The following TNC variants were observed in gnomAD, a reference collection of about 807,000 sequenced individuals.
The protein encoded by TNC is tenascin.
TNC carries 109 observed loss-of-function variants against 202.4 expected under a neutral mutation model. That is an observed-to-expected ratio of 0.54 (90% CI 0.46 to 0.63). The LOEUF is 0.63. TNC is among the 30% of genes least tolerant of loss of function. The probability of loss-of-function intolerance (pLI) is 0.00; values close to 1 mark genes in which losing one functional copy is unlikely to be tolerated. For missense variants in TNC, 2,756 were observed against 2,833.3 expected, an observed-to-expected ratio of 0.97 and a Z score of 0.62; for synonymous variants, 1,007 against 1,089.7, an observed-to-expected ratio of 0.92 and a Z score of 1.50.
intron 13 of TNC, among the ~76,000 whole-genome samples, chr9:115,061,037 T>C (rs889207903): frequency 6.6e-6 from 1 of 152,182 alleles, no homozygotes; most frequent in African/African-American, 2.4e-5. Context: ...GGATTTAGGA[T>C]ATGGAAAAAC....
At position 115,084,417 on chromosome 9, in the gene TNC, C is replaced by G. The variant is rs1467472463; in HGVS notation, c.1923G>C (p.Leu641=). 9 of 1,614,042 alleles carry G rather than the reference C, an allele frequency of 5.6e-6. No individual in the cohort carries two copies. The highest frequency in any genetic ancestry group is 7.6e-6 in the Non-Finnish European group (9 of 1,180,040). The change falls in exon 4 of 28, where the codon CTG becomes CTC. Residue 641 remains leucine (L), a synonymous_variant. Transcript: ENST00000350763. ...TGACCCGCATCTCATTGTCCCAGGC[C>G]AGGTTGACCGTCTCTTCCGTCACTT... ...VTEVTEETVN[L]AWDNEMRVTE... is the part of the protein sequence containing the mutation.
intron 1 of TNC, among the ~76,000 whole-genome samples, chr9:115,093,813 C>T (rs1835410854): frequency 6.6e-6 from 1 of 152,150 alleles, no homozygotes; most frequent in Non-Finnish European, 1.5e-5. Context: ...GAGGATTTCT[C>T]ACTGTGTGTT....
intron 1 of TNC, among the ~76,000 whole-genome samples, chr9:115,092,935 C>T (rs1452367514): frequency 6.6e-6 from 1 of 152,058 alleles, no homozygotes; most frequent in Non-Finnish European, 1.5e-5. Flanking sequence ...TCCCTATGCC[C>T]ATGATATTCT....
In TNC at chr9:115,087,135, C is replaced by T. The variant is rs967354812; in HGVS notation, c.596G>A (p.Arg199Gln). 1.1e-5 allele frequency: 17 copies of T among 1,614,126 alleles called. No homozygotes were observed. Among genetic ancestry groups the T allele is most frequent in the East Asian group, 4.5e-5 (2 of 44,896 alleles). ...ECPGNCHLRGRCIDGQCICDD... is the reference protein window; with the variant it reads ...ECPGNCHLRGQCIDGQCICDD... ...ACAGATGCACTGCCCATCAATGCAC[C>T]GGCCTCGAAGGTGACAGTTGCCTGG... The change falls in exon 3 of 28, where the codon CGG becomes CAG. Residue 199 changes from arginine to glutamine, a missense_variant. By Grantham distance (43) the Arg-to-Gln change is conservative. Transcript: ENST00000350763.
At chr9:115,038,975 G>A (rs900684381) in intron 19 of TNC, among the ~76,000 whole-genome samples, 1 of 152,078 alleles carries the variant, frequency 6.6e-6, no homozygotes, top group African/African-American at 2.4e-5. Context: ...TTGCAGGTGT[G>A]CACCACCAAG....
chr9:115,053,800 T>C (rs1428826622), intron 15 of TNC, among the ~76,000 whole-genome samples: 1 of 152,216 alleles, frequency 6.6e-6, no homozygotes, highest in Non-Finnish European at 1.5e-5. Context: ...TGAAGATGGC[T>C]TCCATTCAAA....
chr9:115,080,322 A>T (rs202077019), intron 6 of TNC, among the ~76,000 whole-genome samples: 2 of 145,244 alleles, frequency 1.4e-5, no homozygotes, highest in African/African-American at 2.6e-5. Flanking sequence ...TGATCTAATG[A>T]TTTTTTTTTC....
At chr9:115,051,276 C>T (rs1487626852) in intron 15 of TNC, among the ~76,000 whole-genome samples, 2 of 152,066 alleles carry the variant, frequency 1.3e-5, no homozygotes, top group Non-Finnish European at 2.9e-5. Flanking sequence ...ATTTATCTGC[C>T]ATCTGAGGTT....
Position 115,084,476 on chromosome 9 carries a change from G to A in TNC, c.1868-4C>T. On this transcript the variant is annotated splice_region_variant and splice_polypyrimidine_tract_variant and intron_variant, in intron 3 of 27. Coordinates refer to ENST00000350763, the MANE Select transcript of TNC (RefSeq NM_002160.4). ...ACGAGGTCTTTGGGAGGAGACACTG[G>A]CAGGAATAAGAAAGGACATCTGGTG... The A allele has an allele frequency of 6.2e-7, 1 of 1,613,542 alleles. No homozygotes were observed. The highest frequency in any genetic ancestry group is 8.5e-7 in the Non-Finnish European group (1 of 1,179,590).
rs149774719 is a variant in TNC at position 115,035,306 on chromosome 9, A to G, written c.5685T>C (p.Ala1895=). Residue 1895 remains alanine (A), a synonymous_variant, in exon 22 of 28, where the codon GCT becomes GCC. Transcript: ENST00000350763. Reference sequence around the variant, plus strand: ...GGGCAGTTTCCGACTGAACCTCAGTAGCAGTCAAGTCTCTTGGAGAATCGA... The same window carrying G: ...GGGCAGTTTCCGACTGAACCTCAGTGGCAGTCAAGTCTCTTGGAGAATCGA... The part of the protein sequence containing the change: ...TDLDSPRDLT[A]TEVQSETALL... 6 of 1,613,424 alleles carry G rather than the reference A, an allele frequency of 3.7e-6. No individual in the cohort carries two copies. The African/African-American group carries it at 8.0e-5, about 22-fold the overall frequency.
intron 10 of TNC, among the ~76,000 whole-genome samples, chr9:115,072,612 T>C (rs1419747993): frequency 6.6e-6 from 1 of 152,202 alleles, no homozygotes; most frequent in Non-Finnish European, 1.5e-5. Flanking sequence ...ATCACTCTTT[T>C]TCTCGAGTTC....
At position 115,056,696 on chromosome 9, in the gene TNC, C is replaced by T. The variant is rs116940009; in HGVS notation, c.4579+457G>A. Among the ~76,000 whole-genome samples the T allele has an allele frequency of 8.4e-3, 1,277 of 152,244 alleles. 10 individuals are homozygous for T. Among genetic ancestry groups the T allele is most frequent in the Non-Finnish European group, 0.014 (965 of 68,018 alleles). Reference sequence around the variant, plus strand: ...CCCAGTTGGAAAAAAATACCCAACACCATCAACATGATTATTAAATCACTG... The same window carrying T: ...CCCAGTTGGAAAAAAATACCCAACATCATCAACATGATTATTAAATCACTG... On this transcript the variant is annotated intron_variant, in intron 15 of 27. Transcript: ENST00000350763.
At chr9:115,063,285 G>A (rs1832694348) in intron 12 of TNC, 96 bp from the exon 13 acceptor site, 2 of 1,342,556 alleles carry the variant, frequency 1.5e-6, no homozygotes, top group Admixed American at 1.9e-5. Context: ...GGGATGAGTT[G>A]TCTGGTTAGT....
At chr9:115,035,778 A>G (rs1830277813) in intron 21 of TNC, 1 of 305,940 alleles carries the variant, frequency 3.3e-6, no homozygotes, top group Non-Finnish European at 6.0e-6. Flanking sequence ...CCTCTTCAAA[A>G]ATATTTTCCT....
chr9:115,096,278 C>T (rs529740987), intron 1 of TNC, among the ~76,000 whole-genome samples: 1 of 152,064 alleles, frequency 6.6e-6, no homozygotes, highest in Admixed American at 6.5e-5. Context: ...GTCTTGAATT[C>T]GAAGTGCTCT....
At chr9:115,074,379 C>G (rs927199845) in intron 9 of TNC, among the ~76,000 whole-genome samples, 1 of 152,212 alleles carries the variant, frequency 6.6e-6, no homozygotes, top group Non-Finnish European at 1.5e-5. Flanking sequence ...CTTGCCCCTT[C>G]TGTCCTGTGA....
chr9:115,024,609 C>T (rs567755629), intron 26 of TNC, among the ~76,000 whole-genome samples: 1 of 152,280 alleles, frequency 6.6e-6, no homozygotes, highest in African/African-American at 2.4e-5. Context: ...ATAAAGACCT[C>T]AGAGAGTAAG....
chr9:115,088,134 A>G (rs1316328440), intron 2 of TNC, among the ~76,000 whole-genome samples: 1 of 152,162 alleles, frequency 6.6e-6, no homozygotes, highest in Non-Finnish European at 1.5e-5. Flanking sequence ...AGGGATTTAG[A>G]CTATCTGGAG....
In TNC at chr9:115,036,216, G is replaced by C; in HGVS notation, c.5538C>G (p.Ser1846=). Residue 1846 remains serine, a synonymous_variant, in exon 21 of 28, where the codon TCC becomes TCG. Coordinates refer to ENST00000350763, the MANE Select transcript of TNC (RefSeq NM_002160.4). ...EKVPEITRTV[S]GNTVEYALTD... ...TCAGAGCATACTCCACTGTGTTCCCGGACACCGTGCGTGTAATTTCTGGCA... is the reference window on the plus strand; with the variant it reads ...TCAGAGCATACTCCACTGTGTTCCCCGACACCGTGCGTGTAATTTCTGGCA... 6.2e-7 allele frequency: 1 copy of C among 1,614,090 alleles called. No individual in the cohort carries two copies. Among genetic ancestry groups the C allele is most frequent in the Non-Finnish European group, 8.5e-7 (1 of 1,179,998 alleles).
Sources: gnomAD v4.1 joint callset for allele counts (sites outside exome capture counted in the v4.1 genomes callset) on GRCh38, gnomAD v4.1.1 for gene constraint, MANE v1.5 for transcripts, NCBI Gene and HGNC (gene_info 2026-07-23, HGNC 2026-07-21) for gene names.